The following OPTC variants were observed in gnomAD, a reference collection of about 807,000 sequenced individuals.
OPTC encodes the protein oculoglycan.
OPTC carries 22 observed loss-of-function variants against 25.4 expected under a neutral mutation model. The observed-to-expected ratio is 0.87, with a 90% confidence interval of 0.62 to 1.24. OPTC has a LOEUF of 1.24. Among genes scored for constraint, OPTC ranks in the 50% most tolerant of loss-of-function variants. The pLI is 0.00. For synonymous variants in OPTC, 169 were observed against 179.3 expected (o/e 0.94, Z 0.46); for missense variants, 417 against 425.2 (o/e 0.98, Z 0.17).
At chr1:203,505,079 G>A (rs1013259445) in intron 7 of OPTC, among the ~76,000 whole-genome samples, 8 of 152,162 alleles carry the variant, frequency 5.3e-5, no homozygotes, top group African/African-American at 1.2e-4. Context: ...CGGGCTCTTG[G>A]CCTCAGGCCT....
intron 5 of OPTC, 40 bp downstream of exon 5, chr1:203,499,891 C>G: frequency 6.5e-7 from 1 of 1,543,644 alleles, no homozygotes; most frequent in Admixed American, 1.7e-5. Flanking sequence ...TCACCTCCAC[C>G]ACCCACCTCT....
At chr1:203,495,598 T>C (rs1661264401) in intron 1 of OPTC, among the ~76,000 whole-genome samples, 1 of 152,192 alleles carries the variant, frequency 6.6e-6, no homozygotes, top group African/African-American at 2.4e-5. Flanking sequence ...CTAGCAGTCA[T>C]GTTCTGAGCA....
rs1661412993 is a variant in OPTC, at chr1:203,502,897, CTT to C, written c.733-15_733-14del. 6.2e-7 allele frequency: 1 copy of C among 1,609,602 alleles called. No individual in the cohort carries two copies. The stretch of plus-strand genomic sequence containing the variant: ...ACAGGACCCACCAGCCTCCTACACT[CTT>C]TGCTTTCTCCACAGGCAATGGAGAA... On this transcript the variant is annotated splice_polypyrimidine_tract_variant and intron_variant, in intron 5 of 7. Coordinates refer to ENST00000367222, the MANE Select transcript of OPTC (RefSeq NM_014359.4).
At position 203,496,015 on chromosome 1, in the gene OPTC, C is replaced by T. The variant is rs1406080340; in HGVS notation, c.10C>T (p.Leu4=). Residue 4 remains leucine, a synonymous_variant, in exon 2 of 8, where the codon CTG becomes TTG. Coordinates refer to ENST00000367222, the MANE Select transcript of OPTC (RefSeq NM_014359.4). ...TCCCATCTGACTCCCCATGAGGCTC[C>T]TGGCTTTCCTGAGTCTGCTGGCCTT... MRL[L]AFLSLLALVL... The T allele has an allele frequency of 1.2e-6, 2 of 1,612,198 alleles. No individual in the cohort carries two copies. The highest frequency in any genetic ancestry group is 8.5e-7 in the Non-Finnish European group (1 of 1,179,158).
intron 7 of OPTC, 141 bp downstream of exon 7, chr1:203,503,886 A>C: frequency 4.1e-6 from 3 of 739,990 alleles, no homozygotes; most frequent in South Asian, 3.0e-5. Flanking sequence ...ACACGCATGC[A>C]TACACACACA....
intron 4 of OPTC, 92 bp downstream of exon 4, chr1:203,498,931 C>A: frequency 2.9e-6 from 4 of 1,394,782 alleles, no homozygotes; most frequent in South Asian, 1.2e-5. Flanking sequence ...TAGTGCCCCC[C>A]GTGTTAGCTC....
At chr1:203,501,217 C>A (rs1297920715) in intron 5 of OPTC, among the ~76,000 whole-genome samples, 1 of 152,186 alleles carries the variant, frequency 6.6e-6, no homozygotes, top group East Asian at 1.9e-4. Flanking sequence ...TCTCCTGCCT[C>A]GGCCTCCTGA....
intron 4 of OPTC, 144 bp downstream of exon 4, chr1:203,498,983 T>C: frequency 1.1e-6 from 1 of 883,546 alleles, no homozygotes. Context: ...CAAAGGGAAA[T>C]AGCCCGAAGT....
At chr1:203,499,287 A>T (rs1387988999) in intron 4 of OPTC, among the ~76,000 whole-genome samples, 1 of 152,008 alleles carries the variant, frequency 6.6e-6, no homozygotes, top group African/African-American at 2.4e-5. Context: ...ACCACTAATT[A>T]CCCAGAGCCT....
At position 203,499,940 on chromosome 1, in the gene OPTC, C is replaced by G. The variant is rs1336426212; in HGVS notation, c.732+89C>G. The G allele has an allele frequency of 4.6e-6, 5 of 1,095,890 alleles. No individual in the cohort carries two copies. The East Asian group carries it at 9.6e-5, about 21-fold the overall frequency. 67.9% of individuals were successfully genotyped at this position (1,095,890 alleles called of 1,614,324 possible). A position where few individuals can be genotyped will look rare whatever the true frequency, so the allele number is the denominator to read the frequency against. ...TCCACCACCTACCTCCACCACTCAC[C>G]TCCACCACCACCCACCTCCACCTCT... On this transcript the variant is annotated intron_variant, in intron 5 of 7. Transcript: ENST00000367222.
chr1:203,498,886 C>G (rs760983359), intron 4 of OPTC, 47 bp downstream of exon 4: 30 of 1,600,432 alleles, frequency 1.9e-5, no homozygotes, highest in Non-Finnish European at 2.3e-5. Flanking sequence ...GCATATGCAG[C>G]CACCCTGCCA....
Position 203,496,054 on chromosome 1 carries a change from A to G in OPTC, c.49A>G (p.Thr17Ala), listed in dbSNP as rs1661273404. 1 of 1,613,904 alleles carries G rather than the reference A, an allele frequency of 6.2e-7. No homozygotes were observed. The highest frequency in any genetic ancestry group is 8.5e-7 in the Non-Finnish European group (1 of 1,179,954). Residue 17 changes from threonine to alanine, a missense_variant, in exon 2 of 8, where the codon ACA (threonine) becomes GCA (alanine). Transcript: ENST00000367222. ...TCTGCTGGCCTTGGTGCTGCAGGAG[A>G]CAGGGACAGCTTCTCTCCCAAGGAA... ...LSLLALVLQE[T>A]GTASLPRKER...
In OPTC at chr1:203,502,911, C is replaced by T. The variant is rs780386589; in HGVS notation, c.733-3C>T. On this transcript the variant is annotated splice_polypyrimidine_tract_variant and splice_region_variant and intron_variant, in intron 5 of 7. Coordinates refer to ENST00000367222, the MANE Select transcript of OPTC (RefSeq NM_014359.4). ...CCTCCTACACTCTTTGCTTTCTCCA[C>T]AGGCAATGGAGAAGCTGCAGTTCCT... 1.9e-5 allele frequency: 30 copies of T among 1,612,354 alleles called. No individual in the cohort carries two copies. Among genetic ancestry groups the T allele is most frequent in the Non-Finnish European group, 2.4e-5 (28 of 1,178,554 alleles).
rs140294942 is a variant in OPTC at position 203,503,628 on chromosome 1, G to T, written c.907G>T (p.Asp303Tyr). The T allele has an allele frequency of 7.4e-6, 12 of 1,613,528 alleles. No homozygotes were observed. The African/African-American group carries it at 1.5e-4, about 20-fold the overall frequency. ...EHKHTRRQLE[D>Y]IRLDGNPINL... ...CAAACACACCCGCAGGCAGCTGGAA[G>T]ACATCCGCCTGGATGGCAACCCCAT... Residue 303 changes from aspartate (D) to tyrosine (Y), a missense_variant, in exon 7 of 8, where the codon GAC becomes TAC. Coordinates refer to ENST00000367222, the MANE Select transcript of OPTC (RefSeq NM_014359.4).
Position 203,503,004 on chromosome 1 carries a change from C to A in OPTC, c.823C>A (p.Leu275Met). 2 of 1,612,768 alleles carry A rather than the reference C, an allele frequency of 1.2e-6. No individual in the cohort carries two copies. The highest frequency in any genetic ancestry group is 4.5e-5 in the East Asian group (2 of 44,874). The change falls in exon 6 of 8, where the codon CTG becomes ATG. Residue 275 changes from leucine to methionine, a missense_variant. Coordinates refer to ENST00000367222, the MANE Select transcript of OPTC (RefSeq NM_014359.4). ...GCCCCTGAGCCTGCGCTCTGTACAC[C>A]TGCAGGTAAGGAGCACCACCCAGAG... Reference protein sequence around the residue: ...PLPLSLRSVHLQNNLIETMQR... With the variant: ...PLPLSLRSVHMQNNLIETMQR...
chr1:203,497,447 T>C (rs1367312098), intron 3 of OPTC, among the ~76,000 whole-genome samples: 1 of 152,212 alleles, frequency 6.6e-6, no homozygotes, highest in Non-Finnish European at 1.5e-5. Context: ...GTAATTAGAT[T>C]ACAGACAATT....
chr1:203,497,520 C>G (rs918231180), intron 3 of OPTC, among the ~76,000 whole-genome samples: 4 of 152,146 alleles, frequency 2.6e-5, no homozygotes, highest in African/African-American at 9.7e-5. Flanking sequence ...GCAAATGAAG[C>G]AGTCACACTG....
At chr1:203,505,023 C>T (rs1157882531) in intron 7 of OPTC, among the ~76,000 whole-genome samples, 1 of 152,204 alleles carries the variant, frequency 6.6e-6, no homozygotes, top group African/African-American at 2.4e-5. Flanking sequence ...TGCCACCCTT[C>T]TCCTGACCGT....
At chr1:203,507,640 C>T (rs1661516772) in intron 7 of OPTC, among the ~76,000 whole-genome samples, 1 of 152,214 alleles carries the variant, frequency 6.6e-6, no homozygotes, top group Non-Finnish European at 1.5e-5. Context: ...CTATGAGTAT[C>T]AGCGGGAGGA....
Sources: gnomAD v4.1 joint callset for allele counts (sites outside exome capture counted in the v4.1 genomes callset) on GRCh38, gnomAD v4.1.1 for gene constraint, MANE v1.5 for transcripts, NCBI Gene and HGNC (gene_info 2026-07-23, HGNC 2026-07-21) for gene names.